VTI1A: variants seen among roughly 807,000 people sequenced by gnomAD.
VTI1A encodes the protein vesicle transport through interaction with t-SNAREs homolog 1A.
Under a neutral mutation model 34.9 loss-of-function variants are expected in VTI1A, and 22 were observed. That is an observed-to-expected ratio of 0.63 (90% CI 0.45 to 0.90). The LOEUF is 0.90. Among genes scored for constraint, VTI1A ranks in the 40% least tolerant of loss-of-function variants. The pLI, the probability that VTI1A is intolerant of heterozygous loss-of-function variation, is 0.00. For synonymous variants in VTI1A, 87 were observed against 97.3 expected, an observed-to-expected ratio of 0.89 and a Z score of 0.62; for missense variants, 268 against 275.6, an observed-to-expected ratio of 0.97 and a Z score of 0.20.
At chr10:112,639,083 C>A (rs928287433) in intron 5 of VTI1A, among the ~76,000 whole-genome samples, 4 of 152,122 alleles carry the variant, frequency 2.6e-5, no homozygotes, top group Non-Finnish European at 4.4e-5. Flanking sequence ...GGATTTCTTA[C>A]TTTTGCTCTG....
At chr10:112,470,198 A>G (rs781628648) in intron 3 of VTI1A, among the ~76,000 whole-genome samples, 1 of 152,014 alleles carries the variant, frequency 6.6e-6, no homozygotes, top group Non-Finnish European at 1.5e-5. Context: ...AATGTTTCTT[A>G]ATTCCTTAAC....
chr10:112,678,350 A>C, intron 7 of VTI1A, among the ~76,000 whole-genome samples: 1 of 152,190 alleles, frequency 6.6e-6, no homozygotes, highest in East Asian at 1.9e-4. Context: ...AAGGAGCCCT[A>C]GGCCTTCCTT....
intron 5 of VTI1A, among the ~76,000 whole-genome samples, chr10:112,633,776 T>C (rs1021660357): frequency 7.9e-5 from 12 of 152,168 alleles, no homozygotes; most frequent in African/African-American, 2.4e-4. Flanking sequence ...TCTTCTCTTA[T>C]TTTATGGGCA....
At chr10:112,648,740 T>C (rs1846897643) in intron 5 of VTI1A, among the ~76,000 whole-genome samples, 1 of 152,188 alleles carries the variant, frequency 6.6e-6, no homozygotes, top group South Asian at 2.1e-4. Flanking sequence ...ATTTTGAGCC[T>C]CTAACTTTGT....
intron 7 of VTI1A, among the ~76,000 whole-genome samples, chr10:112,801,367 G>C (rs746990031): frequency 6.6e-6 from 1 of 152,294 alleles, no homozygotes; most frequent in Non-Finnish European, 1.5e-5. Context: ...ATGACATCTT[G>C]TATGCAATAA....
intron 3 of VTI1A, among the ~76,000 whole-genome samples, chr10:112,477,327 G>C (rs945512128): frequency 3.3e-5 from 5 of 152,168 alleles, no homozygotes; most frequent in African/African-American, 1.2e-4. Context: ...CCTCTGAAAT[G>C]CTTAAGTGCG....
In VTI1A at chr10:112,618,520, T is replaced by TAGAGAG. The variant is rs1249234028; in HGVS notation, c.428-49697_428-49696insGAGAGA. Among the ~76,000 whole-genome samples, 274 of 46,144 alleles carry TAGAGAG rather than the reference T, an allele frequency of 5.9e-3. 2 individuals carry two copies. The highest frequency in any genetic ancestry group is 0.016 in the Middle Eastern group (1 of 64). The allele number at this position is 46,144 out of a possible 152,430, so 30.3% of individuals were successfully genotyped here. ...ATATATATATATATATATATATATA[T>TAGAGAG]ATATAGAGAGAGAGAGAGAGAGAGA... On this transcript the variant is annotated intron_variant, in intron 5 of 7. Transcript: ENST00000393077.
At chr10:112,693,929 C>T (rs184319193) in intron 7 of VTI1A, among the ~76,000 whole-genome samples, 131 of 152,284 alleles carry the variant, frequency 8.6e-4, no homozygotes, top group African/African-American at 3.1e-3. Context: ...TGTTTTAATG[C>T]GAGGCTCGGT....
chr10:112,528,942 A>G (rs1850337117), intron 4 of VTI1A, among the ~76,000 whole-genome samples: 1 of 152,072 alleles, frequency 6.6e-6, no homozygotes, highest in Admixed American at 6.5e-5. Context: ...GCGTACATAT[A>G]AGTATGATTT....
chr10:112,504,531 G>A (rs981940724), intron 3 of VTI1A, among the ~76,000 whole-genome samples: 5 of 151,962 alleles, frequency 3.3e-5, no homozygotes, highest in African/African-American at 1.2e-4. Context: ...TGGTCCCATT[G>A]TATGGATGTA....
chr10:112,798,666 G>A lies in VTI1A; in HGVS notation c.561-16624G>A, dbSNP rs138374759. On this transcript the variant is annotated intron_variant, in intron 7 of 7. Coordinates refer to ENST00000393077, the MANE Select transcript of VTI1A (RefSeq NM_145206.4). Reference sequence around the variant, plus strand: ...TTATCTTCATCAAATCCACAAATACGGTTCTTGGTGCCCATCCTCAAGGGT... The same window carrying A: ...TTATCTTCATCAAATCCACAAATACAGTTCTTGGTGCCCATCCTCAAGGGT... 7.6e-4 allele frequency among the ~76,000 whole-genome samples: 116 copies of A among 152,158 alleles called. 1 individual carries two copies. The East Asian group carries it at 0.021, about 28-fold the overall frequency.
chr10:112,549,035 T>C (rs1207724855), intron 5 of VTI1A, among the ~76,000 whole-genome samples: 1 of 152,172 alleles, frequency 6.6e-6, no homozygotes, highest in Non-Finnish European at 1.5e-5. Flanking sequence ...CTGTGCCAGG[T>C]ACAATGTAAC....
At chr10:112,765,522 T>C (rs900346782) in intron 7 of VTI1A, among the ~76,000 whole-genome samples, 1 of 152,200 alleles carries the variant, frequency 6.6e-6, no homozygotes, top group African/African-American at 2.4e-5. Flanking sequence ...TTTTTCCTTT[T>C]AAGCATTACA....
At chr10:112,750,780 A>G (rs1383884159) in intron 7 of VTI1A, among the ~76,000 whole-genome samples, 1 of 152,180 alleles carries the variant, frequency 6.6e-6, no homozygotes, top group African/African-American at 2.4e-5. Context: ...TCTCCTGTAG[A>G]ATGGCCATAA....
intron 5 of VTI1A, among the ~76,000 whole-genome samples, chr10:112,593,464 C>G (rs1004531742): frequency 2.6e-5 from 4 of 152,186 alleles, no homozygotes; most frequent in African/African-American, 9.7e-5. Flanking sequence ...GTCAGTAGTT[C>G]TGACGAAAAG....
intron 1 of VTI1A, among the ~76,000 whole-genome samples, chr10:112,458,817 C>T (rs932510472): frequency 6.6e-6 from 1 of 151,968 alleles, no homozygotes; most frequent in South Asian, 2.1e-4. Flanking sequence ...CAGGCGCCCA[C>T]CACCACACCC....
chr10:112,830,849 A>ATATATTTTTTTTTTT, the VTI1A span, among the ~76,000 whole-genome samples: 8 of 33,496 alleles, frequency 2.4e-4, no homozygotes, highest in East Asian at 1.5e-3. Context: ...ATATATATAT[A>ATATATTTTTTTTTTT]TTTTTTTTTT....
intron 3 of VTI1A, among the ~76,000 whole-genome samples, chr10:112,478,536 A>T (rs1427808905): frequency 1.3e-5 from 2 of 152,198 alleles, no homozygotes; most frequent in Non-Finnish European, 2.9e-5. Context: ...CAGAGCGCTA[A>T]CTGTGGGAGC....
At chr10:112,591,381 G>A (rs569687356) in intron 5 of VTI1A, among the ~76,000 whole-genome samples, 6 of 152,130 alleles carry the variant, frequency 3.9e-5, no homozygotes, top group Non-Finnish European at 8.8e-5. Flanking sequence ...TTAGCCGGGT[G>A]TGGTGGCAGG....
Sources: gnomAD v4.1 joint callset for allele counts (sites outside exome capture counted in the v4.1 genomes callset) on GRCh38, gnomAD v4.1.1 for gene constraint, MANE v1.5 for transcripts, NCBI Gene and HGNC (gene_info 2026-07-23, HGNC 2026-07-21) for gene names.